KSR2: variants seen among roughly 807,000 people sequenced by gnomAD.
KSR2 encodes kinase suppressor of ras 2.
A neutral mutation model predicts 107.8 loss-of-function variants in KSR2; 25 were observed. The observed-to-expected ratio is 0.23, with a 90% CI of 0.17 to 0.32. KSR2 has a LOEUF of 0.32. Ranked by LOEUF, KSR2 falls within the 10% of genes least tolerant of loss-of-function variation. KSR2 has a pLI of 1.00. For missense variants in KSR2, 887 were observed against 1,268.9 expected, an observed-to-expected ratio of 0.70 and a Z score of 4.57; for synonymous variants, 480 against 507.0, an observed-to-expected ratio of 0.95 and a Z score of 0.71.
At chr12:117,818,961 C>A (rs1043711088) in intron 3 of KSR2, among the ~76,000 whole-genome samples, 1 of 152,068 alleles carries the variant, frequency 6.6e-6, no homozygotes, top group Non-Finnish European at 1.5e-5. Flanking sequence ...AGGGCAGCCC[C>A]CAAAACACCA....
intron 3 of KSR2, among the ~76,000 whole-genome samples, chr12:117,854,644 T>C (rs1016239100): frequency 6.6e-6 from 1 of 152,170 alleles, no homozygotes; most frequent in Admixed American, 6.5e-5. Flanking sequence ...CTAACACTTC[T>C]CCGTGGCTGG....
chr12:117,681,671 A>C (rs1885367506), intron 4 of KSR2, among the ~76,000 whole-genome samples: 1 of 152,196 alleles, frequency 6.6e-6, no homozygotes, highest in African/African-American at 2.4e-5. Context: ...TTAAAAGATC[A>C]CTTTAAAGTC....
intron 4 of KSR2, among the ~76,000 whole-genome samples, chr12:117,731,978 G>A (rs1468428914): frequency 1.3e-5 from 2 of 148,422 alleles, no homozygotes; most frequent in African/African-American, 4.9e-5. Flanking sequence ...CTCCACTATT[G>A]TCCTATGACC....
chr12:117,875,880 C>CTG (rs1893832382), intron 1 of KSR2, among the ~76,000 whole-genome samples: 1 of 152,166 alleles, frequency 6.6e-6, no homozygotes, highest in Non-Finnish European at 1.5e-5. Flanking sequence ...ACCACACACC[C>CTG]ATCATGTCAG....
At chr12:117,788,649 G>A (rs1287438469) in intron 3 of KSR2, among the ~76,000 whole-genome samples, 1 of 152,084 alleles carries the variant, frequency 6.6e-6, no homozygotes, top group African/African-American at 2.4e-5. Flanking sequence ...TTACAGGTGC[G>A]TATGACCACG....
intron 4 of KSR2, among the ~76,000 whole-genome samples, chr12:117,701,745 C>A (rs1204063210): frequency 1.3e-5 from 2 of 152,008 alleles, no homozygotes; most frequent in Admixed American, 1.3e-4. Context: ...GAGAAGAAGG[C>A]CTTGTGAAGA....
chr12:117,666,549 A>C (rs1166339770), intron 5 of KSR2, among the ~76,000 whole-genome samples: 1 of 152,214 alleles, frequency 6.6e-6, no homozygotes, highest in Non-Finnish European at 1.5e-5. Flanking sequence ...CCTTCTGTAC[A>C]ATGGGAATAA....
At chr12:117,949,065 G>A (rs1896282345) in intron 1 of KSR2, among the ~76,000 whole-genome samples, 1 of 152,130 alleles carries the variant, frequency 6.6e-6, no homozygotes, top group Non-Finnish European at 1.5e-5. Context: ...CTGCACTCCA[G>A]CCTGGGAGAC....
intron 14 of KSR2, among the ~76,000 whole-genome samples, chr12:117,522,796 C>A (rs1455728370): frequency 6.6e-6 from 1 of 152,190 alleles, no homozygotes; most frequent in Non-Finnish European, 1.5e-5. Context: ...AGCAGACACA[C>A]AGATGAGGGC....
At chr12:117,870,858 C>G (rs1034977589) in intron 1 of KSR2, among the ~76,000 whole-genome samples, 1 of 152,126 alleles carries the variant, frequency 6.6e-6, no homozygotes, top group Non-Finnish European at 1.5e-5. Context: ...TGGCCTTGCC[C>G]TTGAGGCAAA....
chr12:117,570,134 C>G (rs901293953), intron 7 of KSR2, among the ~76,000 whole-genome samples: 1 of 152,122 alleles, frequency 6.6e-6, no homozygotes, highest in Admixed American at 6.5e-5. Context: ...TCCCCAGTAG[C>G]TGGGACTACA....
rs569332065 is a variant in KSR2, at chr12:117,943,620, A to G, written c.180+24456T>C. On this transcript the variant is annotated intron_variant, in intron 1 of 19. Transcript: ENST00000339824. ...AGATCAACAAAATGGGCAGATACAT[A>G]CAATGGAATATTATTCAGTCATAAA... Among the ~76,000 whole-genome samples the G allele has an allele frequency of 2.0e-4, 30 of 152,284 alleles. No homozygotes were observed. In the South Asian group the frequency reaches 5.8e-3, roughly 29 times the overall value.
chr12:117,614,689 A>C (rs1003881715), intron 5 of KSR2, among the ~76,000 whole-genome samples: 1 of 152,198 alleles, frequency 6.6e-6, no homozygotes, highest in Non-Finnish European at 1.5e-5. Flanking sequence ...TCAGCTGTGG[A>C]AACTTGGGGA....
At chr12:117,947,243 AAG>A (rs1896224482) in intron 1 of KSR2, among the ~76,000 whole-genome samples, 1 of 124,020 alleles carries the variant, frequency 8.1e-6, no homozygotes, top group Non-Finnish European at 1.7e-5. Context: ...GAAAGAAAGA[AAG>A]AAAGAAAGAA....
chr12:117,680,387 T>C (rs2136532438), intron 4 of KSR2, among the ~76,000 whole-genome samples: 1 of 152,358 alleles, frequency 6.6e-6, no homozygotes, highest in East Asian at 1.9e-4. Context: ...AAAAGCTACA[T>C]GTGGCTAGTG....
rs1427138393 is a variant in KSR2 at position 117,761,227 on chromosome 12, G to A, written c.770C>T (p.Ala257Val). ...GGGGGTGCGCGGCGGGGTGCGGACC[G>A]CGTGCCGCTGCCGGGGCGATGGGGG... is the stretch of plus-strand genomic sequence containing the variant. ...SLPPSPRQRH[A>V]VRTPPRTPNI... The change falls in exon 4 of 20, where the codon GCG becomes GTG. Residue 257 changes from alanine (A) to valine (V), a missense_variant. Physicochemically the swap from Ala to Val is moderately conservative, Grantham distance 64. Around this residue, in one of 8 missense-constraint regions of KSR2, gnomAD observed 399 missense variants for 479.5 expected, o/e 0.83. Coordinates refer to ENST00000339824, the MANE Select transcript of KSR2 (RefSeq NM_173598.6). 4.5e-6 allele frequency: 7 copies of A among 1,545,978 alleles called. No individual in the cohort carries two copies. Among genetic ancestry groups the A allele is most frequent in the East Asian group, 2.3e-5 (1 of 44,002 alleles).
intron 5 of KSR2, among the ~76,000 whole-genome samples, chr12:117,592,872 T>C (rs144278577): frequency 2.0e-3 from 311 of 152,216 alleles, no homozygotes; most frequent in African/African-American, 7.2e-3. Flanking sequence ...ACAAGACACA[T>C]CCCATGGATC....
rs1194512389 is a variant in KSR2 at position 117,968,229 on chromosome 12, G to T, written c.27C>A (p.Ser9Arg). 3 of 1,434,646 alleles carry T rather than the reference G, an allele frequency of 2.1e-6. No homozygotes were observed. Among genetic ancestry groups the T allele is most frequent in the Non-Finnish European group, 2.8e-6 (3 of 1,073,280 alleles). The allele number at this position is 1,434,646 out of a possible 1,614,324, so 88.9% of individuals were successfully genotyped here. ...GCAAACTCAGAGGCTGCTGCTCCTC[G>T]CTTTTCGTCATGTTTTCCTCATCCA... MDEENMTK[S>R]EEQQPLSLQK... The change falls in exon 1 of 20, where the codon AGC (serine) becomes AGA (arginine). Residue 9 changes from serine (S) to arginine (R), a missense_variant. Coordinates refer to ENST00000339824, the MANE Select transcript of KSR2 (RefSeq NM_173598.6).
At chr12:117,627,432 A>G (rs1158621633) in intron 5 of KSR2, among the ~76,000 whole-genome samples, 2 of 152,160 alleles carry the variant, frequency 1.3e-5, no homozygotes, top group Non-Finnish European at 2.9e-5. Flanking sequence ...CTTGTCCGTA[A>G]AGGATTTTAT....
Sources: gnomAD v4.1 joint callset for allele counts (sites outside exome capture counted in the v4.1 genomes callset) on GRCh38, gnomAD v4.1.1 for gene constraint, gnomAD v4.1.1 regional missense constraint, MANE v1.5 for transcripts, NCBI Gene and HGNC (gene_info 2026-07-23, HGNC 2026-07-21) for gene names.